Variants in ABCG8 observed in about 807,000 individuals in gnomAD.
ABCG8 encodes ATP binding cassette subfamily G member 8.
Under a neutral mutation model 71.3 loss-of-function variants are expected in ABCG8, and 81 were observed. That is an observed-to-expected ratio of 1.14 (90% CI 0.95 to 1.37). The LOEUF is 1.37. Among genes scored for constraint, ABCG8 ranks in the 40% most tolerant of loss-of-function variants. The probability of loss-of-function intolerance (pLI) is 0.00; values close to 1 mark genes in which losing one functional copy is unlikely to be tolerated. For missense variants in ABCG8, 1,119 were observed against 866.2 expected, an observed-to-expected ratio of 1.29 and a Z score of -3.66; for synonymous variants, 451 against 354.7, an observed-to-expected ratio of 1.27 and a Z score of -3.05.
At position 43,872,272 on chromosome 2, in the gene ABCG8, C is replaced by A; in HGVS notation, c.1177C>A (p.Pro393Thr). The stretch of plus-strand genomic sequence containing the variant: ...CTGCCTCCCGAGTCCTACGAAGATG[C>A]CTGGGGCGGTGCAGCAGTTTACGAC... ...TNCLPSPTKMPGAVQQFTTLI... is the reference protein window; with the variant it reads ...TNCLPSPTKMTGAVQQFTTLI... The change falls in exon 8 of 13, where the codon CCT becomes ACT. Residue 393 changes from proline (P) to threonine (T), a missense_variant. Coordinates refer to ENST00000272286, the MANE Select transcript of ABCG8 (RefSeq NM_022437.3). 6.2e-7 allele frequency: 1 copy of A among 1,613,962 alleles called. No individual in the cohort carries two copies. The highest frequency in any genetic ancestry group is 8.5e-7 in the Non-Finnish European group (1 of 1,180,018).
intron 6 of ABCG8, among the ~76,000 whole-genome samples, chr2:43,871,545 G>A (rs1487985175): frequency 2.0e-5 from 3 of 151,874 alleles, no homozygotes; most frequent in African/African-American, 7.3e-5. Flanking sequence ...CCCCCGACCA[G>A]CCCAACTTCT....
At chr2:43,863,137 A>G (rs1261816548) in intron 6 of ABCG8, among the ~76,000 whole-genome samples, 2 of 146,944 alleles carry the variant, frequency 1.4e-5, no homozygotes, top group South Asian at 2.2e-4. Context: ...CTCTCTGGAT[A>G]TAACTCTCAC....
Position 43,872,051 on chromosome 2 carries a change from C to T in ABCG8, c.1040C>T (p.Ala347Val). Reference protein sequence around the residue: ...ATREKAQSLAALFLEKVRDLD... With the variant: ...ATREKAQSLAVLFLEKVRDLD... Reference sequence around the variant, plus strand: ...AGGGAGAAGGCTCAGTCACTCGCAGCCCTGTTTCTAGAAAAAGTGCGTGAC... The same window carrying T: ...AGGGAGAAGGCTCAGTCACTCGCAGTCCTGTTTCTAGAAAAAGTGCGTGAC... Residue 347 changes from alanine (A) to valine (V), a missense_variant, in exon 7 of 13, where the codon GCC becomes GTC. By Grantham distance (64) the Ala-to-Val change is moderately conservative. Coordinates refer to ENST00000272286, the MANE Select transcript of ABCG8 (RefSeq NM_022437.3). 2.5e-6 allele frequency: 4 copies of T among 1,614,084 alleles called. No homozygotes were observed. Among genetic ancestry groups the T allele is most frequent in the Middle Eastern group, 1.6e-4 (1 of 6,062 alleles).
Position 43,872,044 on chromosome 2 carries a change from C to T in ABCG8, c.1033C>T (p.Leu345Phe), listed in dbSNP as rs770976468. The change falls in exon 7 of 13, where the codon CTC becomes TTC. Residue 345 changes from leucine to phenylalanine, a missense_variant. By Grantham distance (22) the Leu-to-Phe change is conservative. Transcript: ENST00000272286. ...GGCCACCAGGGAGAAGGCTCAGTCACTCGCAGCCCTGTTTCTAGAAAAAGT... is the reference window on the plus strand; with the variant it reads ...GGCCACCAGGGAGAAGGCTCAGTCATTCGCAGCCCTGTTTCTAGAAAAAGT... ...ELATREKAQS[L>F]AALFLEKVRD... 3 of 1,614,112 alleles carry T rather than the reference C, an allele frequency of 1.9e-6. No homozygotes were observed. The highest frequency in any genetic ancestry group is 1.3e-5 in the African/African-American group (1 of 75,052).
At chr2:43,865,554 AC>A (rs879780107) in intron 6 of ABCG8, among the ~76,000 whole-genome samples, 5,811 of 151,232 alleles carry the variant, frequency 0.038, 233 homozygotes, top group South Asian at 0.071. Context: ...TAGAATTCTC[AC>A]CCTCTAGATA....
chr2:43,866,372 G>A (rs1669532667), intron 6 of ABCG8, among the ~76,000 whole-genome samples: 1 of 152,010 alleles, frequency 6.6e-6, no homozygotes, highest in Non-Finnish European at 1.5e-5. Context: ...AAGAGCTTCT[G>A]CACAGCAAAA....
chr2:43,839,276 G>A (rs1180050430), intron 1 of ABCG8, among the ~76,000 whole-genome samples, 160 bp downstream of exon 1: 1 of 152,126 alleles, frequency 6.6e-6, no homozygotes, highest in Non-Finnish European at 1.5e-5. Context: ...AAAGGGCGGA[G>A]GGGAACAGAT....
intron 6 of ABCG8, among the ~76,000 whole-genome samples, chr2:43,857,521 A>G (rs543293471): frequency 6.6e-6 from 1 of 151,214 alleles, no homozygotes. Context: ...CTCACTATCT[A>G]TATGGAAAGA....
At chr2:43,842,378 C>T (rs4148204) in intron 1 of ABCG8, among the ~76,000 whole-genome samples, 62,715 of 151,998 alleles carry the variant, frequency 0.41, 13,567 homozygotes, top group East Asian at 0.84. Flanking sequence ...AAGCAATGTG[C>T]ACAGTGACAG....
rs746810287 is a variant in ABCG8 at position 43,874,450 on chromosome 2, G to T, written c.1455G>T (p.Gly485=). Residue 485 remains glycine (G), a synonymous_variant, in exon 10 of 13, where the codon GGG becomes GGT. Coordinates refer to ENST00000272286, the MANE Select transcript of ABCG8 (RefSeq NM_022437.3). ...TGCTTTACTATGAACTGGAAGACGG[G>T]CTGTACACCACTGGTCCATATTTCT... is the stretch of plus-strand genomic sequence containing the variant. ...RAMLYYELED[G]LYTTGPYFFA... 3 of 1,613,944 alleles carry T rather than the reference G, an allele frequency of 1.9e-6. No individual in the cohort carries two copies. Among genetic ancestry groups the T allele is most frequent in the Middle Eastern group, 3.3e-4 (2 of 6,062 alleles).
intron 6 of ABCG8, among the ~76,000 whole-genome samples, chr2:43,869,021 A>G (rs796640877): frequency 7.3e-6 from 1 of 136,934 alleles, no homozygotes; most frequent in African/African-American, 2.8e-5. Flanking sequence ...AGAAGTCTCA[A>G]TGCCTGTCTA....
At chr2:43,861,607 A>G (rs1181982352) in intron 6 of ABCG8, among the ~76,000 whole-genome samples, 2 of 151,020 alleles carry the variant, frequency 1.3e-5, no homozygotes, top group African/African-American at 4.8e-5. Context: ...AACTCTCATT[A>G]TCTGGATAGA....
intron 11 of ABCG8, among the ~76,000 whole-genome samples, chr2:43,877,281 G>C (rs1669989568): frequency 6.6e-6 from 1 of 151,672 alleles, no homozygotes; most frequent in Non-Finnish European, 1.5e-5. Flanking sequence ...AATATGGGGA[G>C]ACTGTGGGAA....
chr2:43,841,941 C>A (rs888196398), intron 1 of ABCG8, among the ~76,000 whole-genome samples: 2 of 152,134 alleles, frequency 1.3e-5, no homozygotes. Flanking sequence ...ATCCCTCCTG[C>A]AGATATTTGT....
intron 1 of ABCG8, among the ~76,000 whole-genome samples, chr2:43,841,103 G>A (rs866868225): frequency 6.6e-6 from 1 of 152,184 alleles, no homozygotes; most frequent in South Asian, 2.1e-4. Context: ...TGAATGTTTC[G>A]ATAAAATTTC....
intron 6 of ABCG8, among the ~76,000 whole-genome samples, chr2:43,855,564 C>T (rs114596503): frequency 0.054 from 8,210 of 152,240 alleles, 272 homozygotes; most frequent in Middle Eastern, 0.11. Context: ...ATACAGTTCT[C>T]ACCCTCCAGA....
At chr2:43,855,597 G>C (rs1669075830) in intron 6 of ABCG8, among the ~76,000 whole-genome samples, 1 of 152,034 alleles carries the variant, frequency 6.6e-6, no homozygotes, top group African/African-American at 2.4e-5. Context: ...TATCTATCTA[G>C]ATAGAATTAT....
At chr2:43,841,414 C>T (rs1451289393) in intron 1 of ABCG8, among the ~76,000 whole-genome samples, 5 of 152,200 alleles carry the variant, frequency 3.3e-5, no homozygotes, top group Non-Finnish European at 4.4e-5. Context: ...ATTAAGATGT[C>T]AGCCGAATAG....
At chr2:43,842,656 A>G (rs1472094834) in intron 1 of ABCG8, among the ~76,000 whole-genome samples, 1 of 152,074 alleles carries the variant, frequency 6.6e-6, no homozygotes, top group Admixed American at 6.6e-5. Flanking sequence ...TCATGTACAC[A>G]CCACCAATTA....
Sources: allele counts gnomAD v4.1 joint callset (sites outside exome capture counted in the v4.1 genomes callset), GRCh38; gene constraint gnomAD v4.1.1; transcripts MANE v1.5; gene names NCBI Gene and HGNC (gene_info 2026-07-23, HGNC 2026-07-21).